The following KLHL32 variants were observed in gnomAD, a reference collection of about 807,000 sequenced individuals.
The protein encoded by KLHL32 is kelch like family member 32.
In KLHL32, 35 loss-of-function variants were observed where a neutral mutation model predicts 64.8. The observed-to-expected ratio is 0.54, with a 90% CI of 0.41 to 0.72. KLHL32 has a LOEUF of 0.72. Ranked by LOEUF, KLHL32 falls within the 30% of genes least tolerant of loss-of-function variation. KLHL32 has a pLI of 0.00. For missense variants in KLHL32, 589 were observed against 768.5 expected (o/e 0.77, Z 2.76); for synonymous variants, 259 against 281.0 (o/e 0.92, Z 0.78).
intron 6 of KLHL32, among the ~76,000 whole-genome samples, chr6:97,099,653 C>G (rs1235056999): frequency 6.6e-6 from 1 of 152,188 alleles, no homozygotes; most frequent in East Asian, 1.9e-4. Flanking sequence ...ACATCTCTGA[C>G]TTCTTTGCAT....
At chr6:97,036,601 T>C (rs769798976) in intron 3 of KLHL32, among the ~76,000 whole-genome samples, 10 of 152,122 alleles carry the variant, frequency 6.6e-5, no homozygotes, top group Non-Finnish European at 1.5e-4. Context: ...TGAGGTGTGA[T>C]GATGGGTGGG....
At position 97,127,406 on chromosome 6, in the gene KLHL32, G is replaced by C; in HGVS notation, c.1357G>C (p.Gly453Arg). ...TAACACATGTTAATCCATTACAGGT[G>C]GAGTAACTAATACGGCACAATATCA... is the stretch of plus-strand genomic sequence containing the variant. ...VADGLLWISG[G>R]VTNTAQYQNR... is the part of the protein sequence containing the mutation. The change falls in exon 8 of 11, where the codon GGA becomes CGA. Residue 453 changes from glycine (G) to arginine (R), a missense_variant and splice_region_variant. By Grantham distance (125) the Gly-to-Arg change is moderately radical (BLOSUM62 -2). Transcript: ENST00000369261. The C allele has an allele frequency of 6.2e-7, 1 of 1,612,550 alleles. No homozygotes were observed. Among genetic ancestry groups the C allele is most frequent in the African/African-American group, 1.3e-5 (1 of 74,982 alleles).
intron 1 of KLHL32, among the ~76,000 whole-genome samples, chr6:96,928,507 T>C (rs1023301662): frequency 6.6e-6 from 1 of 152,120 alleles, no homozygotes; most frequent in Non-Finnish European, 1.5e-5. Flanking sequence ...GTTGTAGCCA[T>C]AGAGGAGAAT....
intron 3 of KLHL32, among the ~76,000 whole-genome samples, chr6:96,991,781 G>C (rs1582621214): frequency 6.6e-6 from 1 of 152,102 alleles, no homozygotes; most frequent in Non-Finnish European, 1.5e-5. Context: ...AGAAAGTGCA[G>C]AGCTGCTACC....
intron 3 of KLHL32, among the ~76,000 whole-genome samples, chr6:97,005,928 T>C (rs1296005395): frequency 6.6e-6 from 1 of 152,116 alleles, no homozygotes; most frequent in Non-Finnish European, 1.5e-5. Flanking sequence ...TTAGAGTATG[T>C]GGTATGTGCA....
At chr6:96,976,288 T>C in intron 3 of KLHL32, 111 bp downstream of exon 3, 2 of 988,216 alleles carry the variant, frequency 2.0e-6, no homozygotes, top group Non-Finnish European at 2.9e-6. Context: ...CAGAGCTGAA[T>C]GGTGGGGGCC....
At chr6:96,899,620 A>C in the KLHL32 span, among the ~76,000 whole-genome samples, 3 of 152,244 alleles carry the variant, frequency 2.0e-5, no homozygotes, top group African/African-American at 7.2e-5. Flanking sequence ...ATCCTGGCCC[A>C]GTGCTGCTCA....
intron 2 of KLHL32, among the ~76,000 whole-genome samples, chr6:96,974,262 T>C (rs1046080799): frequency 2.0e-5 from 3 of 152,212 alleles, no homozygotes; most frequent in Non-Finnish European, 4.4e-5. Context: ...TAAAAAGTCA[T>C]CCTTTTAGGA....
At chr6:96,999,005 T>C (rs993712010) in intron 3 of KLHL32, among the ~76,000 whole-genome samples, 2 of 152,194 alleles carry the variant, frequency 1.3e-5, no homozygotes, top group Non-Finnish European at 2.9e-5. Context: ...TTGGAAGATA[T>C]TATGAAGATC....
chr6:96,948,494 C>G (rs1997772), intron 1 of KLHL32, among the ~76,000 whole-genome samples: 10 of 151,832 alleles, frequency 6.6e-5, no homozygotes, highest in South Asian at 2.1e-4. Flanking sequence ...GGGCAAGTCT[C>G]TTTTTTTGTG....
At chr6:97,079,183 G>A (rs1792082640) in intron 5 of KLHL32, among the ~76,000 whole-genome samples, 1 of 152,174 alleles carries the variant, frequency 6.6e-6, no homozygotes, top group African/African-American at 2.4e-5. Context: ...AGTACTTCTT[G>A]TATGAACTTT....
chr6:97,074,047 T>A (rs1791193261), intron 5 of KLHL32, among the ~76,000 whole-genome samples: 1 of 152,220 alleles, frequency 6.6e-6, no homozygotes. Context: ...GTTTGCCTAC[T>A]TCAGAGGCAC....
chr6:96,968,402 AC>A lies in KLHL32; in HGVS notation c.23+1320del, dbSNP rs372125237. ...AACAAAAACAAAAACAAAAAAAAAA[AC>A]ATCTAGCCCAAAATGTCAATAATAC... On this transcript the variant is annotated intron_variant, in intron 2 of 10. Transcript: ENST00000369261. Among the ~76,000 whole-genome samples the A allele has an allele frequency of 8.7e-3, 1,318 of 152,126 alleles. 18 individuals carry two copies. Among genetic ancestry groups the A allele is most frequent in the African/African-American group, 0.03 (1,265 of 41,482 alleles).
intron 6 of KLHL32, among the ~76,000 whole-genome samples, chr6:97,089,586 C>T (rs1324542978): frequency 1.3e-5 from 2 of 152,130 alleles, no homozygotes; most frequent in Non-Finnish European, 1.5e-5. Flanking sequence ...TGAAACCAGC[C>T]TGCCCAACAT....
At chr6:97,127,853 A>C (rs550021251) in intron 8 of KLHL32, among the ~76,000 whole-genome samples, 29 of 152,320 alleles carry the variant, frequency 1.9e-4, no homozygotes, top group African/African-American at 6.5e-4. Flanking sequence ...GGACAAGTCT[A>C]AAGTAGAAGT....
Position 97,114,408 on chromosome 6 carries a change from G to A in KLHL32, c.1253G>A (p.Arg418Gln), listed in dbSNP as rs764687503. The stretch of plus-strand genomic sequence containing the variant: ...CGCCAGGTTCTGCCTACAGTTGAGC[G>A]ATATTGCCCCAAGAAGAACAAATGG... ...ELRQVLPTVE[R>Q]YCPKKNKWTF... The change falls in exon 7 of 11, where the codon CGA becomes CAA. Residue 418 changes from arginine to glutamine, a missense_variant. Arg to Gln is a conservative substitution (Grantham distance 43). Around this residue, in one of 3 missense-constraint regions of KLHL32, gnomAD observed 226 missense variants for 353.2 expected, o/e 0.64. Transcript: ENST00000369261. 10 of 1,614,220 alleles carry A rather than the reference G, an allele frequency of 6.2e-6. No individual in the cohort carries two copies. The highest frequency in any genetic ancestry group is 4.5e-5 in the East Asian group (2 of 44,888).
At chr6:97,123,067 T>A (rs1466736928) in intron 7 of KLHL32, among the ~76,000 whole-genome samples, 2 of 152,214 alleles carry the variant, frequency 1.3e-5, no homozygotes, top group East Asian at 3.9e-4. Context: ...TTACGACCCA[T>A]AGACATCTAC....
chr6:96,984,445 C>G (rs1329386996), intron 3 of KLHL32, among the ~76,000 whole-genome samples: 1 of 152,142 alleles, frequency 6.6e-6, no homozygotes, highest in Non-Finnish European at 1.5e-5. Context: ...TGTTAACTGT[C>G]TCATTGATCT....
chr6:96,967,514 G>A (rs1448262932), intron 2 of KLHL32, among the ~76,000 whole-genome samples: 2 of 151,772 alleles, frequency 1.3e-5, no homozygotes, highest in Non-Finnish European at 2.9e-5. Context: ...GAGAGAGAGA[G>A]AGAGAGGGAG....
Sources: allele counts gnomAD v4.1 joint callset (sites outside exome capture counted in the v4.1 genomes callset), GRCh38; gene constraint gnomAD v4.1.1; regional missense constraint gnomAD v4.1.1; transcripts MANE v1.5; gene names NCBI Gene and HGNC (gene_info 2026-07-23, HGNC 2026-07-21).